Variants in DENND4A observed in about 807,000 individuals in gnomAD.
The protein encoded by DENND4A is DENN domain containing 4A.
Under a neutral mutation model 199.3 loss-of-function variants are expected in DENND4A, and 70 were observed. The ratio of observed to expected loss-of-function variants is 0.35; its 90% confidence interval spans 0.29 to 0.43. The LOEUF is 0.43. Among genes scored for constraint, DENND4A ranks in the 20% least tolerant of loss-of-function variants. The pLI is 1.00. For missense variants in DENND4A, 1,723 were observed against 2,255.8 expected (o/e 0.76, Z 4.78); for synonymous variants, 686 against 766.9 (o/e 0.89, Z 1.74).
At position 65,715,641 on chromosome 15, in the gene DENND4A, A is replaced by G. The variant is rs1369189109; in HGVS notation, c.1808-18T>C. 1 of 1,527,046 alleles carries G rather than the reference A, an allele frequency of 6.5e-7. No individual in the cohort carries two copies. The highest frequency in any genetic ancestry group is 8.8e-7 in the Non-Finnish European group (1 of 1,140,418). 94.6% of individuals were successfully genotyped at this position (1,527,046 alleles called of 1,614,324 possible). A position where few individuals can be genotyped will look rare whatever the true frequency, so the allele number is the denominator to read the frequency against. On this transcript the variant is annotated intron_variant, in intron 13 of 32. Transcript: ENST00000443035. ...TAAGAAAGCTGTTCAACAAAAATAT[A>G]TAATGTCAGAATACATAATATCATT...
intron 14 of DENND4A, among the ~76,000 whole-genome samples, chr15:65,711,712 T>C (rs896843431): frequency 1.3e-5 from 2 of 152,240 alleles, no homozygotes; most frequent in Non-Finnish European, 2.9e-5. Flanking sequence ...TCATTAAACT[T>C]TGTACATCAA....
chr15:65,768,267 C>T (rs1027054339), intron 1 of DENND4A, among the ~76,000 whole-genome samples: 1 of 152,140 alleles, frequency 6.6e-6, no homozygotes, highest in African/African-American at 2.4e-5. Flanking sequence ...TCTGCCCGTG[C>T]CGGCATCCCA....
intron 28 of DENND4A, 93 bp from the exon 29 acceptor site, chr15:65,667,796 ATAATTGTATC>A (rs2076089777): frequency 6.7e-7 from 1 of 1,493,188 alleles, no homozygotes; most frequent in East Asian, 2.3e-5. Flanking sequence ...GAAAAGTAAT[ATAATTGTATC>A]ATGGGATAAG....
intron 11 of DENND4A, chr15:65,726,070 C>G (rs979732667): frequency 3.9e-5 from 6 of 152,130 alleles, no homozygotes; most frequent in African/African-American, 1.2e-4. Flanking sequence ...GTGATCAAAG[C>G]AGAAAGAAAA....
At chr15:65,663,615 G>A (rs1412051982) in intron 32 of DENND4A, among the ~76,000 whole-genome samples, 7 of 152,126 alleles carry the variant, frequency 4.6e-5, no homozygotes, top group African/African-American at 1.7e-4. Context: ...TTACCCTGAT[G>A]TAATTACAGT....
chr15:65,665,780 C>T (rs1284837662), intron 29 of DENND4A, among the ~76,000 whole-genome samples: 1 of 152,150 alleles, frequency 6.6e-6, no homozygotes, highest in Non-Finnish European at 1.5e-5. Flanking sequence ...CCTATATCAT[C>T]CAACACCCTG....
intron 22 of DENND4A, among the ~76,000 whole-genome samples, chr15:65,691,751 C>T (rs1246004222): frequency 6.6e-6 from 1 of 151,988 alleles, no homozygotes; most frequent in Admixed American, 6.6e-5. Context: ...CAGAGTTACC[C>T]AGTCCTTAAG....
intron 8 of DENND4A, 53 bp from the exon 9 acceptor site, chr15:65,731,753 C>T (rs1726035245): frequency 9.7e-6 from 12 of 1,242,326 alleles, no homozygotes; most frequent in Non-Finnish European, 1.4e-5. Context: ...AACTTTAAAA[C>T]ACCACTTTCT....
chr15:65,779,181 C>T (rs1160355333), intron 1 of DENND4A, among the ~76,000 whole-genome samples: 7 of 151,876 alleles, frequency 4.6e-5, no homozygotes, highest in South Asian at 2.1e-4. Flanking sequence ...AAAGGCCAGG[C>T]GCAGTGGCTC....
chr15:65,740,742 C>T (rs1441570207), intron 5 of DENND4A, among the ~76,000 whole-genome samples: 1 of 151,972 alleles, frequency 6.6e-6, no homozygotes, highest in Non-Finnish European at 1.5e-5. Flanking sequence ...AAGAGGAGCG[C>T]TTGAGCCCAA....
intron 30 of DENND4A, 190 bp from the exon 31 acceptor site, chr15:65,664,912 G>T: frequency 1.8e-6 from 1 of 547,936 alleles, no homozygotes; most frequent in Non-Finnish European, 3.1e-6. Flanking sequence ...AAGGTCTAAA[G>T]CTTTCTGTGG....
intron 7 of DENND4A, among the ~76,000 whole-genome samples, chr15:65,735,202 AC>A (rs1212086297): frequency 2.0e-5 from 3 of 151,900 alleles, no homozygotes; most frequent in Admixed American, 1.3e-4. Context: ...ACAGGGTAAA[AC>A]CCTGTCTCTA....
chr15:65,682,460 A>G (rs80178545), intron 23 of DENND4A, among the ~76,000 whole-genome samples: 5,515 of 152,292 alleles, frequency 0.036, 348 homozygotes, highest in African/African-American at 0.13. Context: ...AGCCTTCATA[A>G]AACTGAAGAG....
chr15:65,729,874 C>G (rs1017249139), intron 9 of DENND4A, among the ~76,000 whole-genome samples, 196 bp from the exon 10 acceptor site: 4 of 152,140 alleles, frequency 2.6e-5, no homozygotes, highest in African/African-American at 9.7e-5. Flanking sequence ...CACAAACACA[C>G]TATGAAAACA....
chr15:65,698,089 T>TAAAAATA (rs1266044080), intron 20 of DENND4A, among the ~76,000 whole-genome samples: 1 of 151,800 alleles, frequency 6.6e-6, no homozygotes, highest in African/African-American at 2.4e-5. Context: ...TCATCTCTAC[T>TAAAAATA]AAAAATAAAA....
intron 7 of DENND4A, among the ~76,000 whole-genome samples, 173 bp downstream of exon 7, chr15:65,737,534 T>C (rs2076150066): frequency 6.6e-6 from 1 of 152,070 alleles, no homozygotes; most frequent in Non-Finnish European, 1.5e-5. Context: ...TTATTTTAAA[T>C]AACAAGACTA....
Position 65,737,954 on chromosome 15 carries a change from C to CA in DENND4A, c.802-10dup, listed in dbSNP as rs1567062113. On this transcript the variant is annotated splice_polypyrimidine_tract_variant and intron_variant, in intron 6 of 32. Transcript: ENST00000443035. ...ATAGCAGCACCATAAACCTGCAAAA[C>CA]AAGTAATATATCCAGTAAATATACT... 1 of 1,564,638 alleles carries CA rather than the reference C, an allele frequency of 6.4e-7. No individual in the cohort carries two copies. Among genetic ancestry groups the CA allele is most frequent in the Non-Finnish European group, 8.7e-7 (1 of 1,153,034 alleles).
At chr15:65,678,003 G>A (rs1404349093) in intron 23 of DENND4A, among the ~76,000 whole-genome samples, 2 of 142,326 alleles carry the variant, frequency 1.4e-5, no homozygotes, top group East Asian at 4.7e-4. Flanking sequence ...TCTTGGCTCA[G>A]TGCAACCTCT....
intron 8 of DENND4A, 36 bp from the exon 9 acceptor site, chr15:65,731,736 A>C (rs1281796978): frequency 6.9e-7 from 1 of 1,447,186 alleles, no homozygotes; most frequent in Non-Finnish European, 9.4e-7. Context: ...TTTGAAACAT[A>C]AAGATGAACT....
Sources: allele counts gnomAD v4.1 joint callset (sites outside exome capture counted in the v4.1 genomes callset), GRCh38; gene constraint gnomAD v4.1.1; transcripts MANE v1.5; gene names NCBI Gene and HGNC (gene_info 2026-07-23, HGNC 2026-07-21).